The following PHTF2 variants were observed in gnomAD, a reference collection of about 807,000 sequenced individuals.
The protein encoded by PHTF2 is protein PHTF2.
Under a neutral mutation model 101.2 loss-of-function variants are expected in PHTF2, and 60 were observed. That is an observed-to-expected ratio of 0.59 (90% CI 0.48 to 0.73). The LOEUF (loss-of-function observed/expected upper bound fraction) is 0.73. PHTF2 is among the 30% of genes least tolerant of loss of function. PHTF2 has a pLI of 0.00. For missense variants in PHTF2, 747 were observed against 908.7 expected (o/e 0.82, Z 2.29); for synonymous variants, 311 against 307.3 (o/e 1.01, Z -0.13).
At chr7:77,922,016 CCTTTT>C (rs1330225833) in intron 10 of PHTF2, among the ~76,000 whole-genome samples, 3 of 134,306 alleles carry the variant, frequency 2.2e-5, no homozygotes, top group Non-Finnish European at 4.7e-5. Flanking sequence ...TGTTTATATT[CCTTTT>C]TTTTTTTTTT....
At chr7:77,949,587 C>T (rs866261653) in intron 16 of PHTF2, 91 bp from the exon 16 acceptor site, 1 of 672,708 alleles carries the variant, frequency 1.5e-6, no homozygotes, top group East Asian at 2.8e-5. Flanking sequence ...AAATGTAATA[C>T]TAAATTTATG....
chr7:77,854,849 G>A lies in PHTF2; in HGVS notation c.147+15G>A, dbSNP rs763969963. On this transcript the variant is annotated intron_variant, in intron 3 of 19. Coordinates refer to ENST00000416283, the Ensembl canonical transcript of PHTF2. ...TTCAGTGTTTGGTGAGTAATGCCAG[G>A]CCTGTTCTCTCTGTTCAGGGCAGCA... 1.3e-5 allele frequency: 10 copies of A among 755,354 alleles called. No homozygotes were observed. In the African/African-American group the frequency reaches 1.7e-4, roughly 13 times the overall value. The allele number at this position is 755,354 out of a possible 1,614,324, so 46.8% of individuals were successfully genotyped here. A position where few individuals can be genotyped will look rare whatever the true frequency, so the allele number is the denominator to read the frequency against.
chr7:77,947,689 C>T (rs1806174153), intron 16 of PHTF2, among the ~76,000 whole-genome samples: 1 of 151,916 alleles, frequency 6.6e-6, no homozygotes, highest in Non-Finnish European at 1.5e-5. Context: ...AAACAGAATG[C>T]TTTGTTTATT....
chr7:77,931,629 A>G (rs574796288), intron 12 of PHTF2, among the ~76,000 whole-genome samples: 6 of 152,228 alleles, frequency 3.9e-5, no homozygotes, highest in African/African-American at 1.2e-4. Flanking sequence ...TTGTTTGTAC[A>G]GCTACTTTGA....
chr7:77,844,651 A>C lies in PHTF2; in HGVS notation c.45+4351A>C, dbSNP rs1796136916. Among the ~76,000 whole-genome samples, 3 of 152,160 alleles carry C rather than the reference A, an allele frequency of 2.0e-5. 1 individual carries two copies. The South Asian group carries it at 6.2e-4, about 31-fold the overall frequency. ...GCAATTCTCCTGCCTCAGCCTCCCC[A>C]GTAGCTGGGATTACAGGCAGGTGCT... On this transcript the variant is annotated intron_variant, in intron 2 of 19. Transcript: ENST00000416283.
At chr7:77,803,864 A>G in intron 1 of PHTF2, among the ~76,000 whole-genome samples, 1 of 152,212 alleles carries the variant, frequency 6.6e-6, no homozygotes, top group East Asian at 1.9e-4. Flanking sequence ...AAGAAGGGAA[A>G]ATATAGGAAG....
At chr7:77,845,828 A>G (rs1796234624) in intron 2 of PHTF2, among the ~76,000 whole-genome samples, 1 of 152,216 alleles carries the variant, frequency 6.6e-6, no homozygotes, top group African/African-American at 2.4e-5. Context: ...TTTCGCAGGT[A>G]AGACAAATCT....
intron 9 of PHTF2, 108 bp from the exon 9 acceptor site, chr7:77,920,171 T>G (rs1803310396): frequency 1.6e-6 from 1 of 608,662 alleles, no homozygotes; most frequent in African/African-American, 1.9e-5. Flanking sequence ...TCATTAAAAT[T>G]TAGAGAAATA....
chr7:77,949,074 G>A (rs1467655594), intron 16 of PHTF2, among the ~76,000 whole-genome samples: 1 of 151,950 alleles, frequency 6.6e-6, no homozygotes, highest in Non-Finnish European at 1.5e-5. Flanking sequence ...TGTTTTACTG[G>A]CCAATAAATT....
chr7:77,917,919 C>G (rs766975259), intron 9 of PHTF2, among the ~76,000 whole-genome samples: 5 of 152,150 alleles, frequency 3.3e-5, no homozygotes, highest in Admixed American at 2.6e-4. Flanking sequence ...CCTACTACAG[C>G]TTAGTAAATT....
chr7:77,904,216 TG>T (rs999574425), intron 7 of PHTF2, among the ~76,000 whole-genome samples: 2 of 152,240 alleles, frequency 1.3e-5, no homozygotes, highest in Non-Finnish European at 2.9e-5. Context: ...ACTAGCTCTT[TG>T]CTGTTTCTTA....
At position 77,875,707 on chromosome 7, in the gene PHTF2, G is replaced by A. The variant is rs1369262012; in HGVS notation, c.148-17901G>A. The stretch of plus-strand genomic sequence containing the variant: ...CGAGTAGCTGGGACTACAGGCGCCT[G>A]CCACCACGCCTGGCTAATTTTTTGT... On this transcript the variant is annotated intron_variant, in intron 3 of 19. Transcript: ENST00000416283. 2.6e-5 allele frequency among the ~76,000 whole-genome samples: 4 copies of A among 151,964 alleles called. No individual in the cohort carries two copies. In the East Asian group the frequency reaches 7.7e-4, roughly 29 times the overall value.
chr7:77,951,959 G>C (rs965351712), intron 18 of PHTF2, among the ~76,000 whole-genome samples: 1 of 151,916 alleles, frequency 6.6e-6, no homozygotes. Context: ...GTAGAGGTTG[G>C]CATCTTTGGA....
intron 3 of PHTF2, among the ~76,000 whole-genome samples, chr7:77,889,035 G>A (rs1800126226): frequency 6.6e-6 from 1 of 152,132 alleles, no homozygotes; most frequent in East Asian, 1.9e-4. Flanking sequence ...TAAAATAGTT[G>A]GAAAACCTGT....
intron 7 of PHTF2, among the ~76,000 whole-genome samples, chr7:77,904,490 T>C (rs1801671699): frequency 1.3e-5 from 2 of 152,184 alleles, no homozygotes; most frequent in Admixed American, 6.5e-5. Context: ...GGGTGGCTTA[T>C]ACAACAAAAT....
At chr7:77,843,472 C>A (rs553051462) in intron 2 of PHTF2, among the ~76,000 whole-genome samples, 1 of 151,984 alleles carries the variant, frequency 6.6e-6, no homozygotes, top group Admixed American at 6.6e-5. Context: ...TCATGTCTCC[C>A]GGCTGCCATC....
At chr7:77,909,933 C>T (rs1562939445) in intron 8 of PHTF2, 1 of 184,100 alleles carries the variant, frequency 5.4e-6, no homozygotes, top group Non-Finnish European at 1.1e-5. Context: ...TTTCTTCTTT[C>T]TTCATCTGCA....
At chr7:77,954,494 A>T (rs2151004113) in intron 19 of PHTF2, among the ~76,000 whole-genome samples, 1 of 151,796 alleles carries the variant, frequency 6.6e-6, no homozygotes, top group Admixed American at 6.6e-5. Context: ...AAAAAGCCTT[A>T]TTTCTATTTT....
chr7:77,836,171 A>T (rs1795453839), intron 1 of PHTF2, among the ~76,000 whole-genome samples: 1 of 151,640 alleles, frequency 6.6e-6, no homozygotes, highest in African/African-American at 2.4e-5. Flanking sequence ...TACATTTACT[A>T]TTCTTTAAGT....
Sources: allele counts gnomAD v4.1 joint callset (sites outside exome capture counted in the v4.1 genomes callset), GRCh38; gene constraint gnomAD v4.1.1; transcripts MANE v1.5; gene names NCBI Gene and HGNC (gene_info 2026-07-23, HGNC 2026-07-21).